CRNKL1: variants seen among roughly 807,000 people sequenced by gnomAD.
CRNKL1 encodes crooked neck-like protein 1.
Under a neutral mutation model 103.7 loss-of-function variants are expected in CRNKL1, and 35 were observed. The ratio of observed to expected loss-of-function variants is 0.34; its 90% CI spans 0.26 to 0.45. The LOEUF (loss-of-function observed/expected upper bound fraction) is 0.45. Ranked by LOEUF, CRNKL1 falls within the 20% of genes least tolerant of loss-of-function variation. The pLI is 1.00. For missense variants in CRNKL1, 645 were observed against 836.0 expected (o/e 0.77, Z 2.82); for synonymous variants, 267 against 282.6 (o/e 0.94, Z 0.55).
At chr20:20,054,912 A>T (rs1291757941), upstream of CRNKL1, among the ~76,000 whole-genome samples, 1 of 152,194 alleles carries the variant, frequency 6.6e-6, no homozygotes, top group Non-Finnish European at 1.5e-5. Context: ...AAAAGTAATT[A>T]GCCATTATTT....
chr20:20,051,042 G>A (rs1021069672), intron 1 of CRNKL1, among the ~76,000 whole-genome samples: 43 of 152,170 alleles, frequency 2.8e-4, no homozygotes, highest in Admixed American at 2.8e-3. Context: ...ACTGGGTTTG[G>A]TTTTACATGG....
At chr20:20,054,644 C>A (rs543406479), upstream of CRNKL1, among the ~76,000 whole-genome samples, 93 of 152,292 alleles carry the variant, frequency 6.1e-4, no homozygotes, top group African/African-American at 2.0e-3. Context: ...GTTGTGTAGA[C>A]AACATGTGGC....
rs747444290 is a variant in CRNKL1, at chr20:20,047,867, G to A, written c.520C>T (p.Arg174Cys). 9.9e-6 allele frequency: 16 copies of A among 1,614,102 alleles called. No homozygotes were observed. Among genetic ancestry groups the A allele is most frequent in the Non-Finnish European group, 1.2e-5 (14 of 1,180,052 alleles). Residue 174 changes from arginine (R) to cysteine (C), a missense_variant, in exon 5 of 14, where the codon CGC (arginine) becomes TGC (cysteine). This residue lies in a region of CRNKL1 where 582 missense variants were observed against 707.7 expected (regional missense o/e 0.82). Coordinates refer to ENST00000536226, the MANE Select transcript of CRNKL1 (RefSeq NM_001278628.2). The part of the protein sequence containing the change: ...NVAGARQVFE[R>C]WMEWQPEEQA... ...TCCTCAGGCTGCCACTCCATCCAGC[G>A]CTCAAACACCTGCCGGGCACCGGCA...
Position 20,048,231 on chromosome 20 carries a change from G to A in CRNKL1, c.455+112C>T, listed in dbSNP as rs968361872. ...ATGGGACATAACAGCATTTATGTCT[G>A]AAGAAAAAGTAGGATATCAAATTAA... On this transcript the variant is annotated intron_variant, in intron 4 of 13. Coordinates refer to ENST00000536226, the MANE Select transcript of CRNKL1 (RefSeq NM_001278628.2). The A allele has an allele frequency of 3.5e-5, 44 of 1,240,448 alleles. No individual in the cohort carries two copies. The African/African-American group carries it at 6.0e-4, about 17-fold the overall frequency. 76.8% of individuals were successfully genotyped at this position (1,240,448 alleles called of 1,614,324 possible). A position where few individuals can be genotyped will look rare whatever the true frequency, so the allele number is the denominator to read the frequency against.
chr20:20,050,764 A>G, intron 1 of CRNKL1, 142 bp from the exon 2 acceptor site: 2 of 640,872 alleles, frequency 3.1e-6, no homozygotes, highest in Non-Finnish European at 4.9e-6. Flanking sequence ...CCATTCCTCC[A>G]TGAGACTGAA....
At chr20:20,053,875 A>G (rs13433195), upstream of CRNKL1, among the ~76,000 whole-genome samples, 504 of 152,292 alleles carry the variant, frequency 3.3e-3, 2 homozygotes, top group African/African-American at 0.011. Flanking sequence ...TACCAAATGA[A>G]TCATTGGTTT....
intron 5 of CRNKL1, 84 bp from the exon 6 acceptor site, chr20:20,045,570 G>C: frequency 1.6e-6 from 2 of 1,263,290 alleles, no homozygotes; most frequent in Non-Finnish European, 2.2e-6. Flanking sequence ...CCATACCAAA[G>C]CCTGGAAACT....
At chr20:20,045,285 A>G (rs1171887784) in intron 6 of CRNKL1, 23 bp downstream of exon 6, 12 of 1,589,434 alleles carry the variant, frequency 7.5e-6, no homozygotes, top group Non-Finnish European at 1.0e-5. Flanking sequence ...GTTTTACAGT[A>G]TAATGAAGTT....
chr20:20,049,250 T>C (rs969305367), intron 3 of CRNKL1, 90 bp downstream of exon 3: 6 of 783,136 alleles, frequency 7.7e-6, no homozygotes, highest in Admixed American at 3.0e-5. Flanking sequence ...CACAATCTTT[T>C]ACCTGTGCTT....
intron 5 of CRNKL1, among the ~76,000 whole-genome samples, chr20:20,046,338 G>T (rs112969828): frequency 6.6e-6 from 1 of 152,160 alleles, no homozygotes; most frequent in Non-Finnish European, 1.5e-5. Context: ...CTGGCACGTA[G>T]CAAGTGCTAT....
At chr20:20,047,262 A>C (rs563261981) in intron 5 of CRNKL1, among the ~76,000 whole-genome samples, 95 of 152,354 alleles carry the variant, frequency 6.2e-4, no homozygotes, top group Non-Finnish European at 1.2e-3. Context: ...CGTGAGAAAA[A>C]AGTGCTTCTG....
At chr20:20,042,956 G>T (rs1339074718) in intron 7 of CRNKL1, among the ~76,000 whole-genome samples, 1 of 152,148 alleles carries the variant, frequency 6.6e-6, no homozygotes, top group Non-Finnish European at 1.5e-5. Flanking sequence ...AACAGACTTA[G>T]TCCTTTGCTT....
In CRNKL1 at chr20:20,042,402, T is replaced by C; in HGVS notation, c.1087A>G (p.Ile363Val). The C allele has an allele frequency of 6.2e-7, 1 of 1,614,172 alleles. No homozygotes were observed. The highest frequency in any genetic ancestry group is 8.5e-7 in the Non-Finnish European group (1 of 1,180,010). Residue 363 changes from isoleucine to valine, a missense_variant, in exon 8 of 14, where the codon ATT (isoleucine) becomes GTT (valine). This residue lies in a region of CRNKL1 where 582 missense variants were observed against 707.7 expected (regional missense o/e 0.82). Coordinates refer to ENST00000536226, the MANE Select transcript of CRNKL1 (RefSeq NM_001278628.2). ...CGCTTCCAGTGCCTCTTCTCCTGAATGGGTGGGACATTGGCAATGGCCCTT... is the reference window on the plus strand; with the variant it reads ...CGCTTCCAGTGCCTCTTCTCCTGAACGGGTGGGACATTGGCAATGGCCCTT... ...YERAIANVPP[I>V]QEKRHWKRYI...
intron 6 of CRNKL1, among the ~76,000 whole-genome samples, chr20:20,044,400 G>C (rs1365977586): frequency 6.6e-6 from 1 of 152,164 alleles, no homozygotes; most frequent in East Asian, 1.9e-4. Context: ...GGTATCAGAA[G>C]TGTTTTGGAT....
intron 1 of CRNKL1, among the ~76,000 whole-genome samples, chr20:20,052,066 C>T (rs1297965864): frequency 1.3e-5 from 2 of 152,188 alleles, no homozygotes; most frequent in African/African-American, 4.8e-5. Flanking sequence ...CGAACCACCC[C>T]ACTCCACTCC....
chr20:20,034,573 T>A lies in CRNKL1; in HGVS notation c.*1622A>T, dbSNP rs998921234. 1 of 151,736 alleles carries A rather than the reference T, an allele frequency of 6.6e-6. No individual in the cohort carries two copies. Among genetic ancestry groups the A allele is most frequent in the Non-Finnish European group, 1.5e-5 (1 of 67,996 alleles). The allele number at this position is 151,736 out of a possible 1,614,324, so 9.4% of individuals were successfully genotyped here. A position where few individuals can be genotyped will look rare whatever the true frequency, so the allele number is the denominator to read the frequency against. ...TAAACAGATAATTCTAGGAAGACTG[T>A]GATTAAGTCACTTGCATTCTGACCT... On this transcript the variant is annotated 3_prime_UTR_variant, in exon 14 of 14. Transcript: ENST00000536226.
At position 20,047,625 on chromosome 20, in the gene CRNKL1, T is replaced by A. The variant is rs573578993; in HGVS notation, c.622+140A>T. The A allele has an allele frequency of 4.0e-6, 3 of 749,074 alleles. No homozygotes were observed. The African/African-American group carries it at 5.3e-5, about 13-fold the overall frequency. The allele number at this position is 749,074 out of a possible 1,614,324, so 46.4% of individuals were successfully genotyped here. ...GACCAATCTCTTTCCCTACAAAACATAGGGAAGCTGATAAACTGGCATTCT... is the reference window on the plus strand; with the variant it reads ...GACCAATCTCTTTCCCTACAAAACAAAGGGAAGCTGATAAACTGGCATTCT... On this transcript the variant is annotated intron_variant, in intron 5 of 13. Coordinates refer to ENST00000536226, the MANE Select transcript of CRNKL1 (RefSeq NM_001278628.2).
rs371482244 is a variant in CRNKL1 at position 20,038,435 on chromosome 20, A to G, written c.1561T>C (p.Tyr521His). 7.1e-6 allele frequency: 11 copies of G among 1,549,852 alleles called. No individual in the cohort carries two copies. In the East Asian group the frequency reaches 2.7e-4, roughly 38 times the overall value. The change falls in exon 12 of 14, where the codon TAT becomes CAT. Residue 521 changes from tyrosine to histidine, a missense_variant. Tyr to His is a moderately conservative substitution (Grantham distance 83). This residue lies in a region of CRNKL1 where 582 missense variants were observed against 707.7 expected (regional missense o/e 0.82). Transcript: ENST00000536226. ...TCCTGCTCAATTTCAAAATCAATAT[A>G]TGATTTCCAAAGCACCTAAGGAAGA... is the stretch of plus-strand genomic sequence containing the variant. The part of the protein sequence containing the change: ...LDMPEVLWKS[Y>H]IDFEIEQEET...
chr20:20,052,435 A>G lies in CRNKL1; in HGVS notation c.-93T>C. On this transcript the variant is annotated 5_prime_UTR_variant, in exon 1 of 14. Transcript: ENST00000536226. Reference sequence around the variant, plus strand: ...ACCGAAACCACAAAGCTTTCAGAAAACAAACAGGATCTCGGAACCGGAAGC... The same window carrying G: ...ACCGAAACCACAAAGCTTTCAGAAAGCAAACAGGATCTCGGAACCGGAAGC... 6.2e-7 allele frequency: 1 copy of G among 1,614,210 alleles called. No homozygotes were observed. The highest frequency in any genetic ancestry group is 8.5e-7 in the Non-Finnish European group (1 of 1,180,026).
Sources: allele counts gnomAD v4.1 joint callset (sites outside exome capture counted in the v4.1 genomes callset), GRCh38; gene constraint gnomAD v4.1.1; regional missense constraint gnomAD v4.1.1; transcripts MANE v1.5; gene names NCBI Gene and HGNC (gene_info 2026-07-23, HGNC 2026-07-21).